The following EXOC3L2 variants were observed in gnomAD, a reference collection of about 807,000 sequenced individuals.
EXOC3L2 encodes the protein exocyst complex component 3-like protein 2.
A neutral mutation model predicts 44.4 loss-of-function variants in EXOC3L2; 17 were observed. The ratio of observed to expected loss-of-function variants is 0.38; its 90% CI spans 0.26 to 0.57. EXOC3L2 has a LOEUF of 0.57. Ranked by LOEUF, EXOC3L2 falls within the 20% of genes least tolerant of loss-of-function variation. The pLI, the probability that EXOC3L2 is intolerant of heterozygous loss-of-function variation, is 0.65. For synonymous variants in EXOC3L2, 256 were observed against 253.7 expected, an observed-to-expected ratio of 1.01 and a Z score of -0.09; for missense variants, 541 against 588.4, an observed-to-expected ratio of 0.92 and a Z score of 0.83.
intron 1 of EXOC3L2, among the ~76,000 whole-genome samples, chr19:45,244,070 C>CA (rs530950336): frequency 5.4e-4 from 82 of 152,016 alleles, no homozygotes; most frequent in Non-Finnish European, 1.1e-3. Flanking sequence ...AGTACAAGTG[C>CA]AAGTCACCAC....
At chr19:45,242,907 TC>T (rs1211878691) in intron 1 of EXOC3L2, among the ~76,000 whole-genome samples, 2 of 146,684 alleles carry the variant, frequency 1.4e-5, no homozygotes, top group East Asian at 4.1e-4. Context: ...TGCAGCCTCC[TC>T]CTGCCACCTC....
chr19:45,242,257 G>C (rs1354511894), intron 1 of EXOC3L2, among the ~76,000 whole-genome samples: 1 of 152,096 alleles, frequency 6.6e-6, no homozygotes, highest in Non-Finnish European at 1.5e-5. Flanking sequence ...TCTTAGTTCA[G>C]GTTTTTGTTG....
At chr19:45,232,222 C>A (rs146136231) in intron 3 of EXOC3L2, among the ~76,000 whole-genome samples, 1 of 152,270 alleles carries the variant, frequency 6.6e-6, no homozygotes, top group African/African-American at 2.4e-5. Flanking sequence ...GCCTTGGAGG[C>A]TTCCCCAGTC....
rs1382776516 is a variant in EXOC3L2 at position 45,227,693 on chromosome 19, T to C, written c.1552A>G (p.Ile518Val). 6.2e-7 allele frequency: 1 copy of C among 1,612,734 alleles called. No individual in the cohort carries two copies. The highest frequency in any genetic ancestry group is 2.2e-5 in the East Asian group (1 of 44,844). Residue 518 changes from isoleucine (I) to valine (V), a missense_variant, in exon 7 of 12, where the codon ATC becomes GTC. Transcript: ENST00000413988. The stretch of plus-strand genomic sequence containing the variant: ...GGGGGGCCGCAGTTGACCAGGGCGA[T>C]GGTCTTGCTGATATAGGTGTCAGGT... ...MLPDTYISKT[I>V]ALVNCGPPLR...
intron 11 of EXOC3L2, 57 bp downstream of exon 11, chr19:45,216,016 G>C (rs959207639): frequency 6.3e-7 from 1 of 1,599,628 alleles, no homozygotes; most frequent in African/African-American, 1.3e-5. Context: ...GGATGCCAAG[G>C]CCGCCAGGAG....
At chr19:45,225,409 C>T (rs1240348832) in intron 7 of EXOC3L2, among the ~76,000 whole-genome samples, 2 of 151,874 alleles carry the variant, frequency 1.3e-5, no homozygotes, top group Admixed American at 6.6e-5. Context: ...GCTGGGACTA[C>T]AGGCGCCCAC....
Position 45,234,427 on chromosome 19 carries a change from G to A in EXOC3L2, c.923C>T (p.Ala308Val). Reference sequence around the variant, plus strand: ...CAGCTGCCCGGCCAGGCCCCCGGGCGCCCCGGGAGCCGCTGCCTCTAGGCG... The same window carrying A: ...CAGCTGCCCGGCCAGGCCCCCGGGCACCCCGGGAGCCGCTGCCTCTAGGCG... Reference protein sequence around the residue: ...RERLEAAAPGAPGGLAGQLEA... With the variant: ...RERLEAAAPGVPGGLAGQLEA... Residue 308 changes from alanine (A) to valine (V), a missense_variant, in exon 3 of 12, where the codon GCG (alanine) becomes GTG (valine). By Grantham distance (64) the Ala-to-Val change is moderately conservative (BLOSUM62 0). Coordinates refer to ENST00000413988, the MANE Select transcript of EXOC3L2 (RefSeq NM_001382422.1). The surrounding 1 kb of genome is among the most constrained non-coding windows in gnomAD (Gnocchi z 5.0). 3.5e-6 allele frequency: 1 copy of A among 283,668 alleles called. No homozygotes were observed. Among genetic ancestry groups the A allele is most frequent in the Non-Finnish European group, 6.6e-6 (1 of 151,756 alleles). The allele number at this position is 283,668 out of a possible 1,614,324, so 17.6% of individuals were successfully genotyped here. A position where few individuals can be genotyped will look rare whatever the true frequency, so the allele number is the denominator to read the frequency against.
intron 7 of EXOC3L2, 46 bp downstream of exon 7, chr19:45,227,616 C>T: frequency 6.5e-7 from 1 of 1,535,814 alleles, no homozygotes; most frequent in Non-Finnish European, 8.9e-7. Flanking sequence ...AGGTCAGCTT[C>T]CACCTTGGAT....
At chr19:45,222,424 C>G (rs1237348557) in intron 8 of EXOC3L2, among the ~76,000 whole-genome samples, 5 of 152,094 alleles carry the variant, frequency 3.3e-5, no homozygotes, top group Admixed American at 6.6e-5. Flanking sequence ...TGGTCTCAAA[C>G]TCTTGACCTC....
Position 45,213,021 on chromosome 19 carries a change from T to C in EXOC3L2, c.*48A>G, listed in dbSNP as rs1328297378. On this transcript the variant is annotated 3_prime_UTR_variant, in exon 12 of 12. Transcript: ENST00000413988. Reference sequence around the variant, plus strand: ...GAGGGGCGCCGTACGGGAGGTTGGCTTGTCAGCAGCATAGATGGGGTCACT... The same window carrying C: ...GAGGGGCGCCGTACGGGAGGTTGGCCTGTCAGCAGCATAGATGGGGTCACT... The C allele has an allele frequency of 1.4e-6, 2 of 1,431,622 alleles. No individual in the cohort carries two copies. Among genetic ancestry groups the C allele is most frequent in the Admixed American group, 3.1e-5 (1 of 32,660 alleles). 88.7% of individuals were successfully genotyped at this position (1,431,622 alleles called of 1,614,324 possible).
rs1969987914 is a variant in EXOC3L2 at position 45,228,216 on chromosome 19, G to C, written c.1320C>G (p.His440Gln). ...LLRVLQEDEE[H>Q]WGSLEDQPSS... ...TGGGCTGGTCCTCCAGGCTCCCCCA[G>C]TGCTCTTCGTCCTCCTGCAGCACAC... The change falls in exon 5 of 12, where the codon CAC (histidine) becomes CAG (glutamine). Residue 440 changes from histidine to glutamine, a missense_variant. Physicochemically the swap from His to Gln is conservative, Grantham distance 24 (BLOSUM62 0). Coordinates refer to ENST00000413988, the MANE Select transcript of EXOC3L2 (RefSeq NM_001382422.1). 2 of 1,613,972 alleles carry C rather than the reference G, an allele frequency of 1.2e-6. No homozygotes were observed. The highest frequency in any genetic ancestry group is 2.2e-5 in the East Asian group (1 of 44,896).
intron 8 of EXOC3L2, among the ~76,000 whole-genome samples, chr19:45,220,466 T>A (rs958938770): frequency 6.6e-6 from 1 of 151,880 alleles, no homozygotes; most frequent in Non-Finnish European, 1.5e-5. Flanking sequence ...CAAGATTCTA[T>A]CTCAAAAAAA....
chr19:45,217,591 G>A lies in EXOC3L2; in HGVS notation c.1935C>T (p.Arg645=). 1 of 1,532,918 alleles carries A rather than the reference G, an allele frequency of 6.5e-7. No homozygotes were observed. The allele number at this position is 1,532,918 out of a possible 1,614,324, so 95.0% of individuals were successfully genotyped here. ...CCCGGAGCCTGCCGGCCACGCGGCT[G>A]CGGGTCCGCGCCGAGCTGCAGCGCA... ...GRLRCSSART[R]SRVAGRLRED... The change falls in exon 10 of 12, where the codon CGC becomes CGT. Residue 645 remains arginine, a synonymous_variant. Coordinates refer to ENST00000413988, the MANE Select transcript of EXOC3L2 (RefSeq NM_001382422.1).
At chr19:45,218,743 T>C (rs1210151044) in intron 8 of EXOC3L2, among the ~76,000 whole-genome samples, 1 of 152,042 alleles carries the variant, frequency 6.6e-6, no homozygotes, top group Non-Finnish European at 1.5e-5. Context: ...CAGATGGGCA[T>C]GTCAGGGAGA....
chr19:45,224,686 G>T, intron 8 of EXOC3L2, 92 bp downstream of exon 8: 1 of 1,444,444 alleles, frequency 6.9e-7, no homozygotes, highest in South Asian at 1.4e-5. Context: ...CCCAAACACT[G>T]AGCCATGGGC....
chr19:45,228,241 C>A lies in EXOC3L2; in HGVS notation c.1295G>T (p.Arg432Leu), dbSNP rs143269965. 12 of 1,613,900 alleles carry A rather than the reference C, an allele frequency of 7.4e-6. No individual in the cohort carries two copies. The highest frequency in any genetic ancestry group is 1.0e-5 in the Non-Finnish European group (12 of 1,180,000). ...GTGCTCTTCGTCCTCCTGCAGCACA[C>A]GGAGAAGGGCAGCCCGGGTCTGAGC... ...VKAQTRAALL[R>L]VLQEDEEHWG... Residue 432 changes from arginine (R) to leucine (L), a missense_variant, in exon 5 of 12, where the codon CGT (arginine) becomes CTT (leucine). Transcript: ENST00000413988.
intron 7 of EXOC3L2, among the ~76,000 whole-genome samples, chr19:45,227,404 A>T (rs1261286423): frequency 6.6e-6 from 1 of 152,188 alleles, no homozygotes; most frequent in Non-Finnish European, 1.5e-5. Context: ...TACAGGCATG[A>T]GCCACTGTGC....
Position 45,234,868 on chromosome 19 carries a change from G to A in EXOC3L2, c.524-42C>T, listed in dbSNP as rs569973635. On this transcript the variant is annotated intron_variant, in intron 2 of 11. Transcript: ENST00000413988. This position sits in a 1 kb window ranked among gnomAD's most constrained non-coding sequence, Gnocchi z 5.0. ...GGAGGTCAGCAGTGCGCGGGGGGGA[G>A]GAGGGCGATGCCGGACGCGGGGTTG... 2.8e-4 allele frequency: 108 copies of A among 388,852 alleles called. 1 individual carries two copies. Among genetic ancestry groups the A allele is most frequent in the African/African-American group, 2.1e-3 (100 of 48,264 alleles). The allele number at this position is 388,852 out of a possible 1,614,324, so 24.1% of individuals were successfully genotyped here. A position where few individuals can be genotyped will look rare whatever the true frequency, so the allele number is the denominator to read the frequency against.
chr19:45,224,966 T>G (rs2122969162), intron 7 of EXOC3L2, 53 bp from the exon 8 acceptor site: 1 of 1,477,340 alleles, frequency 6.8e-7, no homozygotes, highest in South Asian at 1.4e-5. Context: ...TCAGCCCAAC[T>G]GCCTAGGCCT....
Sources: gnomAD v4.1 joint callset for allele counts (sites outside exome capture counted in the v4.1 genomes callset) on GRCh38, gnomAD v4.1.1 for gene constraint, Gnocchi (gnomAD v3.1) non-coding constraint, MANE v1.5 for transcripts, NCBI Gene and HGNC (gene_info 2026-07-23, HGNC 2026-07-21) for gene names.